The following CACNA1A variants were observed in gnomAD, a reference collection of about 807,000 sequenced individuals.
The protein encoded by CACNA1A is calcium voltage-gated channel subunit alpha1 A, also known as voltage-dependent P/Q-type calcium channel subunit alpha-1A.
A neutral mutation model predicts 262.4 loss-of-function variants in CACNA1A; 57 were observed. The ratio of observed to expected loss-of-function variants is 0.22; its 90% CI spans 0.18 to 0.27. The LOEUF (loss-of-function observed/expected upper bound fraction) is 0.27. Ranked by LOEUF, CACNA1A falls within the 10% of genes least tolerant of loss-of-function variation. CACNA1A has a pLI of 1.00. For missense variants in CACNA1A, 2,526 were observed against 3,562.8 expected (o/e 0.71, Z 7.41); for synonymous variants, 1,431 against 1,419.3 (o/e 1.01, Z -0.18).
At chr19:13,367,928 C>A (rs115119947) in intron 4 of CACNA1A, among the ~76,000 whole-genome samples, 1 of 152,100 alleles carries the variant, frequency 6.6e-6, no homozygotes, top group Non-Finnish European at 1.5e-5. Flanking sequence ...TTACTCTGGG[C>A]TTCAAATCCT....
intron 1 of CACNA1A, among the ~76,000 whole-genome samples, chr19:13,502,271 G>C (rs1306061959): frequency 6.6e-6 from 1 of 151,904 alleles, no homozygotes; most frequent in Admixed American, 6.6e-5. Context: ...TAAGATTTCT[G>C]CAAACCGGAT....
At position 13,279,081 on chromosome 19, in the gene CACNA1A, T is replaced by C. The variant is rs180941643; in HGVS notation, c.3823-1953A>G. Among the ~76,000 whole-genome samples, 5 of 152,170 alleles carry C rather than the reference T, an allele frequency of 3.3e-5. No homozygotes were observed. The East Asian group carries it at 9.7e-4, about 29-fold the overall frequency. On this transcript the variant is annotated intron_variant, in intron 22 of 46. Transcript: ENST00000360228. Reference sequence around the variant, plus strand: ...CCTGGCTCGCTCAGTACCTGGCACATAGTAGTTGCTTATCAAATACTTACT... The same window carrying C: ...CCTGGCTCGCTCAGTACCTGGCACACAGTAGTTGCTTATCAAATACTTACT...
intron 29 of CACNA1A, among the ~76,000 whole-genome samples, chr19:13,253,959 G>A (rs1177816582): frequency 2.7e-5 from 4 of 149,946 alleles, no homozygotes; most frequent in Admixed American, 1.3e-4. Flanking sequence ...AGTTGGTCCC[G>A]AACACCTGGC....
chr19:13,282,244 C>T (rs1288601629), intron 22 of CACNA1A, among the ~76,000 whole-genome samples: 1 of 152,054 alleles, frequency 6.6e-6, no homozygotes, highest in Non-Finnish European at 1.5e-5. Flanking sequence ...CCAGCTTTGC[C>T]TGGGTCCTAA....
At position 13,236,051 on chromosome 19, in the gene CACNA1A, T is replaced by C. The variant is rs1306374833; in HGVS notation, c.4951-321A>G. On this transcript the variant is annotated intron_variant, in intron 31 of 46. Coordinates refer to ENST00000360228, the MANE Select transcript of CACNA1A (RefSeq NM_001127222.2). The surrounding 1 kb of genome is among the most constrained non-coding windows in gnomAD (Gnocchi z 4.6). ...AAAAGGAACGGGGATGGGGAAGAAA[T>C]AACAAAAGAACAAGAAAAAGAAAAT... Among the ~76,000 whole-genome samples the C allele has an allele frequency of 6.6e-6, 1 of 150,870 alleles. No homozygotes were observed. The highest frequency in any genetic ancestry group is 2.4e-5 in the African/African-American group (1 of 40,994).
chr19:13,255,705 T>TTCCCTCCCTCCCTCCATCTC (rs370544383), intron 28 of CACNA1A, among the ~76,000 whole-genome samples: 1 of 31,850 alleles, frequency 3.1e-5, no homozygotes, highest in Non-Finnish European at 6.4e-5. Flanking sequence ...CCCTCCTTCC[T>TTCCCTCCCTCCCTCCATCTC]TCCCTCCCTC....
intron 30 of CACNA1A, among the ~76,000 whole-genome samples, chr19:13,250,473 T>C (rs1017954366): frequency 1.4e-4 from 21 of 152,130 alleles, no homozygotes; most frequent in African/African-American, 4.8e-4. Context: ...CTCGGCTCAC[T>C]GCAACCTCCG....
At chr19:13,265,937 C>T (rs996428844) in intron 24 of CACNA1A, among the ~76,000 whole-genome samples, 3 of 151,880 alleles carry the variant, frequency 2.0e-5, no homozygotes, top group Non-Finnish European at 2.9e-5. Flanking sequence ...CTCTGCCTCC[C>T]GGGTTCAAGA....
chr19:13,351,198 C>T lies in CACNA1A; in HGVS notation c.978+8408G>A, dbSNP rs568406980. On this transcript the variant is annotated intron_variant, in intron 6 of 46. Coordinates refer to ENST00000360228, the MANE Select transcript of CACNA1A (RefSeq NM_001127222.2). ...TGAGTCACTAAATCCAGCCCACTCT[C>T]AAAGTAGGGGAGATTAGTCTCCACC... Among the ~76,000 whole-genome samples the T allele has an allele frequency of 2.0e-5, 3 of 152,236 alleles. No homozygotes were observed. In the East Asian group the frequency reaches 5.8e-4, roughly 29 times the overall value.
intron 3 of CACNA1A, among the ~76,000 whole-genome samples, chr19:13,392,006 G>A (rs1293176737): frequency 1.4e-5 from 2 of 147,958 alleles, no homozygotes; most frequent in East Asian, 3.9e-4. Flanking sequence ...TACTGCACTT[G>A]GTTGACAGGG....
At position 13,308,769 on chromosome 19, in the gene CACNA1A, T is replaced by G; in HGVS notation, c.1669-241A>C. 3.0e-6 allele frequency: 1 copy of G among 336,282 alleles called. No homozygotes were observed. Among genetic ancestry groups the G allele is most frequent in the East Asian group, 5.0e-5 (1 of 20,020 alleles). 20.8% of individuals were successfully genotyped at this position (336,282 alleles called of 1,614,324 possible). A position where few individuals can be genotyped will look rare whatever the true frequency, so the allele number is the denominator to read the frequency against. ...ATAGCTCACTGCAGCACTGTCCTCC[T>G]GGGCTTAAGTGATCCTCCCACCTCA... On this transcript the variant is annotated intron_variant, in intron 12 of 46. Coordinates refer to ENST00000360228, the MANE Select transcript of CACNA1A (RefSeq NM_001127222.2). The surrounding 1 kb of genome is among the most constrained non-coding windows in gnomAD (Gnocchi z 4.2).
chr19:13,266,350 G>A (rs2056863608), intron 24 of CACNA1A, among the ~76,000 whole-genome samples: 1 of 151,988 alleles, frequency 6.6e-6, no homozygotes, highest in Non-Finnish European at 1.5e-5. Context: ...GGGACTGCAG[G>A]CATGCACCAC....
In CACNA1A at chr19:13,299,346, G is replaced by C; in HGVS notation, c.2287C>G (p.Gln763Glu). 6.3e-7 allele frequency: 1 copy of C among 1,599,526 alleles called. No homozygotes were observed. Among genetic ancestry groups the C allele is most frequent in the Non-Finnish European group, 8.5e-7 (1 of 1,179,630 alleles). ...TTGGCTGGCTTTTGATTCTTCTGTT[G>C]CTCTTTCCTGCAGTGGCATGGTCAC... ...AANMSIAVKEQQKNQKPAKSV... is the reference protein window; with the variant it reads ...AANMSIAVKEEQKNQKPAKSV... Residue 763 changes from glutamine to glutamate, a missense_variant, in exon 19 of 47, where the codon CAA becomes GAA. Transcript: ENST00000360228.
Position 13,212,394 on chromosome 19 carries a change from G to A in CACNA1A, c.6179C>T (p.Pro2060Leu), listed in dbSNP as rs775221166. ...GGGGGACAGAGGCACCTGAGAGTTA[G>A]GCTGGCTGTTGGGCATGTCGGTAGG... Reference protein sequence around the residue: ...GPPTDMPNSQPNSQSVEMREM... With the variant: ...GPPTDMPNSQLNSQSVEMREM... The change falls in exon 42 of 47, where the codon CCT becomes CTT. Residue 2060 changes from proline to leucine, a missense_variant. This residue lies in a region of CACNA1A where 929 missense variants were observed against 868.1 expected (regional missense o/e 1.07). Transcript: ENST00000360228. The surrounding 1 kb of genome is among the most constrained non-coding windows in gnomAD (Gnocchi z 5.6). 1 of 1,613,760 alleles carries A rather than the reference G, an allele frequency of 6.2e-7. No individual in the cohort carries two copies. The highest frequency in any genetic ancestry group is 1.1e-5 in the South Asian group (1 of 91,032).
At chr19:13,483,505 G>A (rs1481119032) in intron 1 of CACNA1A, among the ~76,000 whole-genome samples, 1 of 152,146 alleles carries the variant, frequency 6.6e-6, no homozygotes. Flanking sequence ...CACAGTGATT[G>A]GTTCTGGCAT....
intron 1 of CACNA1A, among the ~76,000 whole-genome samples, chr19:13,501,100 G>C (rs997905334): frequency 6.6e-6 from 1 of 152,026 alleles, no homozygotes; most frequent in Admixed American, 6.6e-5. Context: ...ATCTTGATTT[G>C]GGTGGTGGCC....
intron 3 of CACNA1A, among the ~76,000 whole-genome samples, chr19:13,399,757 G>C (rs2059868085): frequency 6.6e-6 from 1 of 152,138 alleles, no homozygotes; most frequent in Non-Finnish European, 1.5e-5. Context: ...GCTCTCCTTT[G>C]AATTCAGACA....
intron 43 of CACNA1A, chr19:13,211,777 C>A (rs1486223728): frequency 3.2e-6 from 1 of 313,734 alleles, no homozygotes; most frequent in Non-Finnish European, 6.1e-6. Context: ...CCTGTTGAAC[C>A]CTGCTGCACC....
In CACNA1A at chr19:13,303,960, G is replaced by A. The variant is rs891793195; in HGVS notation, c.1987-76C>T. On this transcript the variant is annotated intron_variant, in intron 15 of 46. Transcript: ENST00000360228. ...CCCTTGGAGATGCAGCTGTGGAGCC[G>A]GAATCCGCCCACCCCATCCCCGAGC... 6.1e-5 allele frequency: 64 copies of A among 1,043,024 alleles called. 1 individual carries two copies. Among genetic ancestry groups the A allele is most frequent in the Admixed American group, 4.4e-4 (24 of 53,968 alleles). 64.6% of individuals were successfully genotyped at this position (1,043,024 alleles called of 1,614,324 possible). A position where few individuals can be genotyped will look rare whatever the true frequency, so the allele number is the denominator to read the frequency against.
Sources: allele counts gnomAD v4.1 joint callset (sites outside exome capture counted in the v4.1 genomes callset), GRCh38; gene constraint gnomAD v4.1.1; regional missense constraint gnomAD v4.1.1; non-coding constraint Gnocchi (gnomAD v3.1); transcripts MANE v1.5; gene names NCBI Gene and HGNC (gene_info 2026-07-23, HGNC 2026-07-21).